The following GRM7 variants were observed in gnomAD, a reference collection of about 807,000 sequenced individuals.
GRM7 encodes glutamate metabotropic receptor 7.
A neutral mutation model predicts 84.5 loss-of-function variants in GRM7; 35 were observed. The ratio of observed to expected loss-of-function variants is 0.41; its 90% CI spans 0.32 to 0.55. GRM7 has a LOEUF of 0.55. GRM7 is among the 20% of genes least tolerant of loss of function. The pLI, the probability that GRM7 is intolerant of heterozygous loss-of-function variation, is 0.19. For synonymous variants in GRM7, 487 were observed against 455.1 expected (o/e 1.07, Z -0.89); for missense variants, 1,003 against 1,194.6 (o/e 0.84, Z 2.36).
At chr3:7,304,287 CTCCATCA>C (rs143073977) in intron 3 of GRM7, among the ~76,000 whole-genome samples, 10,934 of 128,258 alleles carry the variant, frequency 0.085, 888 homozygotes, top group Non-Finnish European at 0.14. Flanking sequence ...GAAGCCATTG[CTCCATCA>C]TCCATCATCC....
At chr3:7,137,898 A>T (rs2125059680) in intron 1 of GRM7, among the ~76,000 whole-genome samples, 1 of 152,252 alleles carries the variant, frequency 6.6e-6, no homozygotes, top group Non-Finnish European at 1.5e-5. Context: ...ATTCAAACTG[A>T]GAAATAACAT....
chr3:6,982,619 A>T (rs1694252440), intron 1 of GRM7, among the ~76,000 whole-genome samples: 1 of 152,126 alleles, frequency 6.6e-6, no homozygotes, highest in Admixed American at 6.5e-5. Flanking sequence ...AAAGAAAAAA[A>T]AAAAACCTTT....
intron 4 of GRM7, among the ~76,000 whole-genome samples, chr3:7,344,236 C>T (rs1692784611): frequency 1.4e-5 from 2 of 139,894 alleles, no homozygotes; most frequent in African/African-American, 6.2e-5. Flanking sequence ...TGATGTTCTC[C>T]CTCTTCCCAC....
intron 4 of GRM7, chr3:7,403,250 T>C: frequency 2.7e-6 from 1 of 375,728 alleles, no homozygotes; most frequent in South Asian, 2.1e-5. Flanking sequence ...AAGATTATGA[T>C]TCTTGGACAG....
intron 1 of GRM7, among the ~76,000 whole-genome samples, chr3:7,133,990 G>A (rs949972027): frequency 2.0e-4 from 30 of 152,234 alleles, no homozygotes; most frequent in Middle Eastern, 3.4e-3. Context: ...ATCTCAGAAA[G>A]CCTCGTTACA....
intron 1 of GRM7, among the ~76,000 whole-genome samples, chr3:7,040,308 C>CTT (rs550426466): frequency 2.4e-4 from 35 of 146,648 alleles, no homozygotes; most frequent in African/African-American, 8.0e-4. Flanking sequence ...TCTGTAAACT[C>CTT]TTTTTTTTTT....
intron 7 of GRM7, among the ~76,000 whole-genome samples, chr3:7,512,290 T>C (rs1276659447): frequency 6.6e-6 from 1 of 152,208 alleles, no homozygotes; most frequent in African/African-American, 2.4e-5. Context: ...ATATAGGTGA[T>C]TTCCAAGCTT....
intron 8 of GRM7, among the ~76,000 whole-genome samples, chr3:7,588,181 G>A (rs1695609758): frequency 6.6e-6 from 1 of 152,010 alleles, no homozygotes; most frequent in South Asian, 2.1e-4. Context: ...TATATTCTTA[G>A]CACGTTACCA....
chr3:7,432,864 G>A (rs1388459479), intron 5 of GRM7, among the ~76,000 whole-genome samples: 1 of 152,164 alleles, frequency 6.6e-6, no homozygotes, highest in African/African-American at 2.4e-5. Context: ...AGCAAATATG[G>A]AAGTGTATGG....
chr3:6,894,255 G>A (rs1009381624), intron 1 of GRM7, among the ~76,000 whole-genome samples: 1 of 152,088 alleles, frequency 6.6e-6, no homozygotes, highest in Non-Finnish European at 1.5e-5. Flanking sequence ...AGCAGTCTAG[G>A]AAATTGATAT....
At chr3:7,457,709 A>G (rs565773415) in intron 6 of GRM7, among the ~76,000 whole-genome samples, 24 of 152,268 alleles carry the variant, frequency 1.6e-4, no homozygotes, top group Admixed American at 7.9e-4. Context: ...TTCTAAGGCA[A>G]AATGTTTTTG....
chr3:7,476,392 A>G (rs548083023), intron 7 of GRM7, among the ~76,000 whole-genome samples: 5 of 152,178 alleles, frequency 3.3e-5, no homozygotes, highest in African/African-American at 1.2e-4. Context: ...CTAAAAATAC[A>G]AAAAATTAGC....
At chr3:7,051,593 GTTGAC>G (rs1295144480) in intron 1 of GRM7, among the ~76,000 whole-genome samples, 1 of 151,752 alleles carries the variant, frequency 6.6e-6, no homozygotes, top group Non-Finnish European at 1.5e-5. Context: ...CTTAGGAAAA[GTTGAC>G]TTGACTATAA....
chr3:7,107,337 C>A (rs1473806684), intron 1 of GRM7, among the ~76,000 whole-genome samples: 2 of 152,002 alleles, frequency 1.3e-5, no homozygotes, highest in Non-Finnish European at 2.9e-5. Flanking sequence ...TTATGTAATA[C>A]GTTCTACAGT....
Position 6,862,299 on chromosome 3 carries a change from C to T in GRM7, c.519+392C>T, listed in dbSNP as rs998031010. 6.6e-6 allele frequency among the ~76,000 whole-genome samples: 1 copy of T among 152,188 alleles called. No homozygotes were observed. Among genetic ancestry groups the T allele is most frequent in the East Asian group, 1.9e-4 (1 of 5,148 alleles). On this transcript the variant is annotated intron_variant, in intron 1 of 9. Transcript: ENST00000357716. The surrounding 1 kb of genome is among the most constrained non-coding windows in gnomAD (Gnocchi z 5.2). ...TGGAATAGGAAAGATGAGACGATGCCTGGAAACCGGGCATTTCCCAACTCC... is the reference window on the plus strand; with the variant it reads ...TGGAATAGGAAAGATGAGACGATGCTTGGAAACCGGGCATTTCCCAACTCC...
At chr3:7,102,235 C>G (rs1223671897) in intron 1 of GRM7, among the ~76,000 whole-genome samples, 1 of 151,660 alleles carries the variant, frequency 6.6e-6, no homozygotes, top group Non-Finnish European at 1.5e-5. Flanking sequence ...TATTATTTGT[C>G]TGATGATATT....
chr3:7,410,582 A>T (rs946722389), intron 4 of GRM7, among the ~76,000 whole-genome samples: 17 of 113,786 alleles, frequency 1.5e-4, no homozygotes, highest in South Asian at 1.3e-3. Context: ...AAAAAAACAA[A>T]ATATATATAT....
intron 9 of GRM7, among the ~76,000 whole-genome samples, chr3:7,728,445 A>G (rs1269878094): frequency 6.6e-5 from 10 of 152,190 alleles, no homozygotes; most frequent in Admixed American, 6.5e-4. Flanking sequence ...GAAAGGTAAG[A>G]GGCCAGAATT....
intron 1 of GRM7, among the ~76,000 whole-genome samples, chr3:7,137,667 G>A (rs1693813972): frequency 6.6e-6 from 1 of 152,044 alleles, no homozygotes; most frequent in East Asian, 1.9e-4. Flanking sequence ...AGTGGAATTA[G>A]TTTGGCATCT....
Sources: gnomAD v4.1 joint callset for allele counts (sites outside exome capture counted in the v4.1 genomes callset) on GRCh38, gnomAD v4.1.1 for gene constraint, Gnocchi (gnomAD v3.1) non-coding constraint, MANE v1.5 for transcripts, NCBI Gene and HGNC (gene_info 2026-07-23, HGNC 2026-07-21) for gene names.